GAS2: variants seen among roughly 807,000 people sequenced by gnomAD.
GAS2 encodes growth arrest specific 2, also known as growth arrest-specific protein 2.
Under a neutral mutation model 37.5 loss-of-function variants are expected in GAS2, and 20 were observed. The ratio of observed to expected loss-of-function variants is 0.53; its 90% confidence interval spans 0.37 to 0.77. The LOEUF (loss-of-function observed/expected upper bound fraction) is 0.77. Ranked by LOEUF, GAS2 falls within the 30% of genes least tolerant of loss-of-function variation. The pLI is 0.00. For synonymous variants in GAS2, 144 were observed against 132.2 expected (o/e 1.09, Z -0.61); for missense variants, 336 against 373.4 (o/e 0.90, Z 0.82).
intron 1 of GAS2, among the ~76,000 whole-genome samples, chr11:22,636,890 CTATT>C (rs1858829510): frequency 7.1e-6 from 1 of 140,918 alleles, no homozygotes. Context: ...TTTATATTAC[CTATT>C]TATATTATTT....
chr11:22,693,558 A>G (rs1007385009), intron 3 of GAS2, among the ~76,000 whole-genome samples: 2 of 152,226 alleles, frequency 1.3e-5, no homozygotes, highest in Admixed American at 1.3e-4. Flanking sequence ...CTTTTACCAC[A>G]AAAGAACTTA....
intron 3 of GAS2, among the ~76,000 whole-genome samples, chr11:22,691,781 G>A (rs536629927): frequency 6.6e-6 from 1 of 152,104 alleles, no homozygotes; most frequent in African/African-American, 2.4e-5. Context: ...GTAAAATATA[G>A]GTAAAATATA....
At chr11:22,630,735 C>T (rs1308673524) in intron 1 of GAS2, among the ~76,000 whole-genome samples, 1 of 152,206 alleles carries the variant, frequency 6.6e-6, no homozygotes, top group African/African-American at 2.4e-5. Context: ...ATACCAGTGT[C>T]ATGCTGCTTT....
At chr11:22,753,299 C>T (rs1226736285) in intron 6 of GAS2, among the ~76,000 whole-genome samples, 1 of 152,032 alleles carries the variant, frequency 6.6e-6, no homozygotes, top group East Asian at 1.9e-4. Context: ...TTGTTTCTTC[C>T]ATTTCTGCTT....
At chr11:22,770,265 G>T (rs533262254) in intron 7 of GAS2, among the ~76,000 whole-genome samples, 42 of 152,260 alleles carry the variant, frequency 2.8e-4, no homozygotes, top group African/African-American at 1.0e-3. Context: ...GTATACCTAT[G>T]TAACAAACCT....
chr11:22,744,960 TGAAA>T, intron 5 of GAS2, among the ~76,000 whole-genome samples: 1 of 151,644 alleles, frequency 6.6e-6, no homozygotes, highest in East Asian at 1.9e-4. Flanking sequence ...AAAACACTGC[TGAAA>T]GAAATAATAG....
intron 3 of GAS2, among the ~76,000 whole-genome samples, chr11:22,705,761 A>G (rs1399218080): frequency 6.6e-6 from 1 of 152,214 alleles, no homozygotes; most frequent in Non-Finnish European, 1.5e-5. Context: ...GCAAGGGATA[A>G]TAACATTAAG....
chr11:22,774,879 AGTAGAAGT>A (rs1260662687), intron 7 of GAS2, among the ~76,000 whole-genome samples: 5 of 152,136 alleles, frequency 3.3e-5, no homozygotes, highest in Non-Finnish European at 5.9e-5. Context: ...GGCTAAACAA[AGTAGAAGT>A]GAAAGTGTTT....
At chr11:22,794,844 C>G (rs765625778) in intron 7 of GAS2, among the ~76,000 whole-genome samples, 37 of 152,138 alleles carry the variant, frequency 2.4e-4, no homozygotes, top group Non-Finnish European at 7.4e-5. Flanking sequence ...TTTCCCTAGC[C>G]AGGTCTGTCT....
At chr11:22,802,775 A>C (rs1045672140) in intron 7 of GAS2, among the ~76,000 whole-genome samples, 9 of 152,116 alleles carry the variant, frequency 5.9e-5, no homozygotes, top group African/African-American at 2.2e-4. Flanking sequence ...ATAGTCATGT[A>C]CTCTATAACA....
At chr11:22,675,096 C>A in intron 2 of GAS2, 82 bp downstream of exon 2, 1 of 1,309,984 alleles carries the variant, frequency 7.6e-7, no homozygotes, top group Non-Finnish European at 1.0e-6. Context: ...TTCACCTAAG[C>A]ATGTGATAGC....
chr11:22,745,824 A>G (rs561086871), intron 5 of GAS2, among the ~76,000 whole-genome samples: 1 of 152,258 alleles, frequency 6.6e-6, no homozygotes, highest in Admixed American at 6.5e-5. Flanking sequence ...AGTGGCCCCA[A>G]AACATACAAA....
intron 3 of GAS2, among the ~76,000 whole-genome samples, chr11:22,722,931 A>G (rs1047415053): frequency 2.6e-5 from 4 of 151,922 alleles, no homozygotes; most frequent in African/African-American, 9.7e-5. Context: ...ACTAATCCAT[A>G]TTAGTTTCCA....
intron 7 of GAS2, among the ~76,000 whole-genome samples, chr11:22,796,497 C>T (rs974979255): frequency 6.6e-6 from 1 of 151,960 alleles, no homozygotes; most frequent in Non-Finnish European, 1.5e-5. Context: ...TTTTTCTTTC[C>T]CTTTCATTTG....
chr11:22,789,235 C>A (rs1855974133), intron 7 of GAS2, among the ~76,000 whole-genome samples: 1 of 143,496 alleles, frequency 7.0e-6, no homozygotes, highest in Non-Finnish European at 1.5e-5. Flanking sequence ...AGTTAATTGG[C>A]TGAAGTAGAA....
At chr11:22,722,071 A>G (rs568827390) in intron 3 of GAS2, among the ~76,000 whole-genome samples, 2 of 152,006 alleles carry the variant, frequency 1.3e-5, no homozygotes, top group Non-Finnish European at 2.9e-5. Context: ...CATAGCATGA[A>G]GGGAAATATA....
chr11:22,694,831 A>G (rs1057090799), intron 3 of GAS2, among the ~76,000 whole-genome samples: 2 of 152,190 alleles, frequency 1.3e-5, no homozygotes, highest in Non-Finnish European at 2.9e-5. Context: ...TATTGCAAAG[A>G]CAGCAACAAA....
At chr11:22,747,701 T>TG (rs1853487759) in intron 5 of GAS2, among the ~76,000 whole-genome samples, 2 of 151,998 alleles carry the variant, frequency 1.3e-5, no homozygotes, top group African/African-American at 4.8e-5. Flanking sequence ...ACAAGCAAAG[T>TG]GGGGGGTCCA....
intron 7 of GAS2, among the ~76,000 whole-genome samples, chr11:22,774,586 A>G (rs775858034): frequency 1.3e-5 from 2 of 152,218 alleles, no homozygotes; most frequent in Non-Finnish European, 2.9e-5. Flanking sequence ...CCAAAACTGA[A>G]TTGCCTGGGC....
Sources: allele counts gnomAD v4.1 joint callset (sites outside exome capture counted in the v4.1 genomes callset), GRCh38; gene constraint gnomAD v4.1.1; transcripts MANE v1.5; gene names NCBI Gene and HGNC (gene_info 2026-07-23, HGNC 2026-07-21).